CD55: variants seen among roughly 807,000 people sequenced by gnomAD.
The protein encoded by CD55 is CD55 molecule (Cromer blood group).
A neutral mutation model predicts 45.8 loss-of-function variants in CD55; 41 were observed. That is an observed-to-expected ratio of 0.90 (90% CI 0.70 to 1.16). The LOEUF (loss-of-function observed/expected upper bound fraction) is 1.16. Among genes scored for constraint, CD55 ranks in the 50% most tolerant of loss-of-function variants. CD55 has a pLI of 0.00. For synonymous variants in CD55, 181 were observed against 181.1 expected (o/e 1.00, Z 0.01); for missense variants, 416 against 469.8 (o/e 0.89, Z 1.06).
At chr1:207,348,940 A>G (rs1291303744) in intron 9 of CD55, among the ~76,000 whole-genome samples, 1 of 152,154 alleles carries the variant, frequency 6.6e-6, no homozygotes, top group Non-Finnish European at 1.5e-5. Context: ...TTTTTGTACC[A>G]GTACCATGCT....
chr1:207,322,162 G>A, intron 1 of CD55: 1 of 693,154 alleles, frequency 1.4e-6, no homozygotes, highest in Non-Finnish European at 2.7e-6. Context: ...CAAAGAGACT[G>A]TATCCTTAAC....
intron 6 of CD55, among the ~76,000 whole-genome samples, chr1:207,333,402 G>T (rs1243673613): frequency 6.6e-6 from 1 of 152,228 alleles, no homozygotes; most frequent in Non-Finnish European, 1.5e-5. Context: ...AGTAGATGGA[G>T]TCTTACTGAA....
At chr1:207,324,787 G>A (rs770155641) in intron 3 of CD55, 37 bp downstream of exon 3, 2 of 1,306,982 alleles carry the variant, frequency 1.5e-6, no homozygotes, top group Non-Finnish European at 2.2e-6. Flanking sequence ...CAACCATCTG[G>A]TGTTTGGGGG....
chr1:207,324,799 A>G lies in CD55; in HGVS notation c.478+49A>G, dbSNP rs1202109825. ...TTTCAACCATCTGGTGTTTGGGGGA[A>G]ATAGTATCCCTTCCTTCATTCATGC... is the stretch of plus-strand genomic sequence containing the variant. On this transcript the variant is annotated intron_variant, in intron 3 of 9. Transcript: ENST00000367064. 17 of 1,157,514 alleles carry G rather than the reference A, an allele frequency of 1.5e-5. No individual in the cohort carries two copies. The Admixed American group carries it at 3.3e-4, about 22-fold the overall frequency. The allele number at this position is 1,157,514 out of a possible 1,614,324, so 71.7% of individuals were successfully genotyped here.
chr1:207,325,737 C>T lies in CD55; in HGVS notation c.578+16C>T. ...GTAACACAGGGTAAGTTTGGGCATA[C>T]TAAAACCCTGTATTTAGGAAATGAG... is the stretch of plus-strand genomic sequence containing the variant. On this transcript the variant is annotated intron_variant, in intron 4 of 9. Transcript: ENST00000367064. 1 of 1,437,558 alleles carries T rather than the reference C, an allele frequency of 7.0e-7. No homozygotes were observed. The highest frequency in any genetic ancestry group is 9.8e-7 in the Non-Finnish European group (1 of 1,023,914). 89.1% of individuals were successfully genotyped at this position (1,437,558 alleles called of 1,614,324 possible).
Position 207,360,531 on chromosome 1 carries a change from A to C in CD55, c.*921A>C, listed in dbSNP as rs1011491387. The C allele has an allele frequency of 6.6e-6, 1 of 152,140 alleles. No individual in the cohort carries two copies. The highest frequency in any genetic ancestry group is 2.4e-5 in the African/African-American group (1 of 41,436). The allele number at this position is 152,140 out of a possible 1,614,324, so 9.4% of individuals were successfully genotyped here. On this transcript the variant is annotated 3_prime_UTR_variant, in exon 10 of 10. Coordinates refer to ENST00000367064, the MANE Select transcript of CD55 (RefSeq NM_000574.5). ...TGTAGTATGTGAAATTTATTCTTAA[A>C]CGTGACTACTTTATTTCTAAATAAG...
At chr1:207,345,809 G>A (rs1054416727) in intron 9 of CD55, among the ~76,000 whole-genome samples, 2 of 152,240 alleles carry the variant, frequency 1.3e-5, no homozygotes, top group Non-Finnish European at 2.9e-5. Flanking sequence ...GGTGCATGCA[G>A]TAGTGTAGTT....
chr1:207,354,213 G>A, intron 9 of CD55: 1 of 1,289,848 alleles, frequency 7.8e-7, no homozygotes, highest in South Asian at 2.5e-5. Context: ...GTATTTTATT[G>A]AAAATATTTC....
At chr1:207,337,162 G>A in intron 7 of CD55, 167 bp from the exon 8 acceptor site, 1 of 615,282 alleles carries the variant, frequency 1.6e-6, no homozygotes, top group Non-Finnish European at 2.9e-6. Context: ...ATCCCATGAT[G>A]ACAAATGCTT....
chr1:207,322,345 A>G, intron 1 of CD55, 37 bp from the exon 2 acceptor site: 1 of 1,564,554 alleles, frequency 6.4e-7, no homozygotes, highest in Non-Finnish European at 8.8e-7. Flanking sequence ...AGGACACTTG[A>G]TAGTCATTTC....
intron 5 of CD55, among the ~76,000 whole-genome samples, chr1:207,328,343 A>G (rs1186399261): frequency 6.6e-6 from 1 of 152,234 alleles, no homozygotes; most frequent in Non-Finnish European, 1.5e-5. Context: ...TTTCAGGATC[A>G]TTTTGATTTT....
chr1:207,355,828 C>G (rs1359174037), intron 9 of CD55, among the ~76,000 whole-genome samples: 1 of 152,194 alleles, frequency 6.6e-6, no homozygotes, highest in Non-Finnish European at 1.5e-5. Flanking sequence ...TTTGAATGCT[C>G]AACGATCAAA....
chr1:207,340,529 C>A (rs778135209), intron 9 of CD55: 2 of 698,228 alleles, frequency 2.9e-6, no homozygotes, highest in South Asian at 1.5e-5. Context: ...CGACACCCGG[C>A]TAAGTTTTTG....
chr1:207,357,476 A>G (rs1656120417), intron 9 of CD55, among the ~76,000 whole-genome samples: 1 of 149,708 alleles, frequency 6.7e-6, no homozygotes, highest in East Asian at 2.0e-4. Context: ...CAGTTTATCA[A>G]GTTATAAAGT....
intron 3 of CD55, 66 bp from the exon 4 acceptor site, chr1:207,325,556 A>G (rs1294039148): frequency 2.2e-6 from 2 of 924,188 alleles, no homozygotes; most frequent in East Asian, 2.6e-5. Context: ...CACCTCACAT[A>G]GTTACCTTCT....
chr1:207,335,529 T>C (rs993631998), intron 6 of CD55, among the ~76,000 whole-genome samples: 1 of 152,206 alleles, frequency 6.6e-6, no homozygotes, highest in Non-Finnish European at 1.5e-5. Context: ...GGATCAAAAC[T>C]GAGAACTAAC....
In CD55 at chr1:207,321,695, C is replaced by A; in HGVS notation, c.-71C>A. On this transcript the variant is annotated 5_prime_UTR_variant, in exon 1 of 10. Transcript: ENST00000367064. ...CGAGGCTTCTGCTTACTGCAACTCGCTCCGGCCGCTGGGCGTAGCTGCGAC... is the reference window on the plus strand; with the variant it reads ...CGAGGCTTCTGCTTACTGCAACTCGATCCGGCCGCTGGGCGTAGCTGCGAC... The A allele has an allele frequency of 1.7e-6, 2 of 1,187,290 alleles. No individual in the cohort carries two copies. Among genetic ancestry groups the A allele is most frequent in the Non-Finnish European group, 2.3e-6 (2 of 872,730 alleles). 73.5% of individuals were successfully genotyped at this position (1,187,290 alleles called of 1,614,324 possible). A position where few individuals can be genotyped will look rare whatever the true frequency, so the allele number is the denominator to read the frequency against.
chr1:207,354,143 T>G, intron 9 of CD55: 1 of 1,505,106 alleles, frequency 6.6e-7, no homozygotes, highest in Non-Finnish European at 8.9e-7. Context: ...GCAGTGAAGA[T>G]GATACCCTAT....
intron 9 of CD55, among the ~76,000 whole-genome samples, chr1:207,352,370 G>A (rs924209223): frequency 6.6e-6 from 1 of 151,620 alleles, no homozygotes; most frequent in African/African-American, 2.4e-5. Context: ...ATATATATCT[G>A]CACTCTGTAC....
Sources: gnomAD v4.1 joint callset for allele counts (sites outside exome capture counted in the v4.1 genomes callset) on GRCh38, gnomAD v4.1.1 for gene constraint, MANE v1.5 for transcripts, NCBI Gene and HGNC (gene_info 2026-07-23, HGNC 2026-07-21) for gene names.